Variants in MIB2 observed in about 807,000 individuals in gnomAD.
MIB2 encodes the protein E3 ubiquitin-protein ligase MIB2.
MIB2 carries 78 observed loss-of-function variants against 96.6 expected under a neutral mutation model. The observed-to-expected ratio is 0.81, with a 90% CI of 0.67 to 0.97. MIB2 has a LOEUF of 0.97. MIB2 is among the 50% of genes least tolerant of loss of function. The probability of loss-of-function intolerance (pLI) is 0.00; values close to 1 mark genes in which losing one functional copy is unlikely to be tolerated. For missense variants in MIB2, 1,543 were observed against 1,424.0 expected (o/e 1.08, Z -1.35); for synonymous variants, 820 against 629.5 (o/e 1.30, Z -4.53).
rs774656885 is a variant in MIB2 at position 1,627,409 on chromosome 1, C to CGAGTTG, written c.1491_1492insTTGGAG (p.Glu497_Gly498insLeuGlu). ...GGGCGGGCGTGGACCTGCCGGACGA[C>CGAGTTG]GAGGGCAACACGGCACTGCACTACG... On this transcript the variant is annotated inframe_insertion, in exon 12 of 20. Transcript: ENST00000355826. 6.2e-7 allele frequency: 1 copy of CGAGTTG among 1,612,714 alleles called. No homozygotes were observed. The highest frequency in any genetic ancestry group is 2.2e-5 in the East Asian group (1 of 44,870).
Position 1,625,903 on chromosome 1 carries a change from T to C in MIB2, c.972+250T>C. 1.8e-6 allele frequency: 1 copy of C among 552,894 alleles called. No individual in the cohort carries two copies. The highest frequency in any genetic ancestry group is 2.2e-5 in the South Asian group (1 of 44,852). The allele number at this position is 552,894 out of a possible 1,614,324, so 34.2% of individuals were successfully genotyped here. On this transcript the variant is annotated intron_variant, in intron 8 of 19. Transcript: ENST00000355826. This position sits in a 1 kb window ranked among gnomAD's most constrained non-coding sequence, Gnocchi z 5.0. ...ATGGGCAGGTTAGGGCCTCCCTCTG[T>C]TCCAGGACACCAGGAAGGCAGGACA...
At position 1,626,370 on chromosome 1, in the gene MIB2, C is replaced by G. The variant is rs1002496230; in HGVS notation, c.973-280C>G. On this transcript the variant is annotated intron_variant, in intron 8 of 19. Transcript: ENST00000355826. The surrounding 1 kb of genome is among the most constrained non-coding windows in gnomAD (Gnocchi z 5.3). ...CCTGCTGCTGGTCAGCGTACAGCTTCCCAGGGCCAGCCACCTCGGCTTCAC... is the reference window on the plus strand; with the variant it reads ...CCTGCTGCTGGTCAGCGTACAGCTTGCCAGGGCCAGCCACCTCGGCTTCAC... 1 of 490,528 alleles carries G rather than the reference C, an allele frequency of 2.0e-6. No homozygotes were observed. Among genetic ancestry groups the G allele is most frequent in the African/African-American group, 2.0e-5 (1 of 50,950 alleles). 30.4% of individuals were successfully genotyped at this position (490,528 alleles called of 1,614,324 possible). A position where few individuals can be genotyped will look rare whatever the true frequency, so the allele number is the denominator to read the frequency against.
rs762118123 is a variant in MIB2, at chr1:1,630,455, C to T, written c.2793C>T (p.Ala931=). Residue 931 remains alanine (A), a synonymous_variant, in exon 20 of 20, where the codon GCC becomes GCT. Transcript: ENST00000355826. ...TCCAGTGCGGCCACGGCGCATGCGC[C>T]CCCTGCGGCTCCGCGCTCAGCGCCT... The part of the protein sequence containing the change: ...LVFQCGHGAC[A]PCGSALSACP... The T allele has an allele frequency of 9.4e-6, 15 of 1,593,598 alleles. No individual in the cohort carries two copies. The East Asian group carries it at 1.6e-4, about 17-fold the overall frequency.
intron 2 of MIB2, among the ~76,000 whole-genome samples, chr1:1,622,222 A>G (rs556861666): frequency 1.9e-4 from 29 of 152,282 alleles, no homozygotes; most frequent in Non-Finnish European, 3.7e-4. Context: ...TTCCCTGGCC[A>G]TGGGGTCCTA....
intron 19 of MIB2, 131 bp from the exon 20 acceptor site, chr1:1,630,161 C>T (rs901410502): frequency 2.9e-5 from 10 of 344,378 alleles, no homozygotes; most frequent in African/African-American, 2.4e-4. Context: ...TCACCCACCC[C>T]GCCAGCCCCC....
At chr1:1,616,130 G>T (rs1179338027) in intron 1 of MIB2, 5 of 980,062 alleles carry the variant, frequency 5.1e-6, no homozygotes, top group Non-Finnish European at 6.1e-6. Context: ...AGGTCTGGCA[G>T]CGGACAGGGC....
chr1:1,615,835 G>C, intron 1 of MIB2: 1 of 1,253,066 alleles, frequency 8.0e-7, no homozygotes, highest in African/African-American at 1.6e-5. Flanking sequence ...GTTGTGGTCC[G>C]GCCACCCGCG....
In MIB2 at chr1:1,626,535, G is replaced by A. The variant is rs926666078; in HGVS notation, c.973-115G>A. ...AGTGCCTGGGGTCGGGGTCGGGGCC[G>A]GGGCCGAGTCAGGCCTGCCTGTCTC... is the stretch of plus-strand genomic sequence containing the variant. On this transcript the variant is annotated intron_variant, in intron 8 of 19. Transcript: ENST00000355826. This position sits in a 1 kb window ranked among gnomAD's most constrained non-coding sequence, Gnocchi z 5.3. 15 of 909,310 alleles carry A rather than the reference G, an allele frequency of 1.6e-5. No homozygotes were observed. The highest frequency in any genetic ancestry group is 1.3e-4 in the African/African-American group (8 of 59,400). 56.3% of individuals were successfully genotyped at this position (909,310 alleles called of 1,614,324 possible).
intron 4 of MIB2, 67 bp from the exon 5 acceptor site, chr1:1,624,728 A>T (rs1277630977): frequency 1.4e-6 from 2 of 1,447,218 alleles, no homozygotes; most frequent in East Asian, 4.8e-5. Context: ...TCGCTCTCCC[A>T]AGTGGCTCAA....
intron 2 of MIB2, among the ~76,000 whole-genome samples, chr1:1,621,683 C>G (rs1644270886): frequency 6.6e-6 from 1 of 152,232 alleles, no homozygotes. Context: ...TGTGGAAGCT[C>G]TCGCGGTCCT....
chr1:1,628,425 A>G (rs1023018846), intron 15 of MIB2, 26 bp downstream of exon 15: 7 of 1,606,162 alleles, frequency 4.4e-6, no homozygotes, highest in Non-Finnish European at 5.9e-6. Flanking sequence ...AGTCCTGCCC[A>G]AGGACCGGGG....
chr1:1,615,829 T>G, intron 1 of MIB2, 196 bp downstream of exon 1: 1 of 1,268,106 alleles, frequency 7.9e-7, no homozygotes, highest in Non-Finnish European at 9.9e-7. Flanking sequence ...CTGGGAGTTG[T>G]GGTCCGGCCA....
At position 1,627,763 on chromosome 1, in the gene MIB2, C is replaced by G; in HGVS notation, c.1614C>G (p.Ala538=). 1.3e-6 allele frequency: 2 copies of G among 1,597,382 alleles called. No homozygotes were observed. The highest frequency in any genetic ancestry group is 1.7e-6 in the Non-Finnish European group (2 of 1,179,098). The change falls in exon 13 of 20, where the codon GCC becomes GCG. Residue 538 remains alanine (A), a synonymous_variant. Transcript: ENST00000355826. ...NSTQSTALHV[A]VQRGFLEVVR... is the part of the protein sequence containing the mutation. ...CCCAGAGCACAGCACTGCACGTGGCCGTGCAGAGGGGCTTCCTGGAGGTGG... is the reference window on the plus strand; with the variant it reads ...CCCAGAGCACAGCACTGCACGTGGCGGTGCAGAGGGGCTTCCTGGAGGTGG...
At chr1:1,624,201 T>C in intron 4 of MIB2, 1 of 535,088 alleles carries the variant, frequency 1.9e-6, no homozygotes, top group Middle Eastern at 5.0e-4. Context: ...GGACAGCCCA[T>C]ACCCGGAGCC....
At chr1:1,615,404 C>A, upstream of MIB2, 2 of 1,456,138 alleles carry the variant, frequency 1.4e-6, no homozygotes, top group Non-Finnish European at 9.0e-7. Flanking sequence ...GCAGACGCTC[C>A]CGCGTGACGC....
chr1:1,626,395 C>T lies in MIB2; in HGVS notation c.973-255C>T, dbSNP rs1644766068. The T allele has an allele frequency of 1.9e-6, 1 of 517,700 alleles. No homozygotes were observed. The highest frequency in any genetic ancestry group is 3.4e-6 in the Non-Finnish European group (1 of 295,058). 32.1% of individuals were successfully genotyped at this position (517,700 alleles called of 1,614,324 possible). A position where few individuals can be genotyped will look rare whatever the true frequency, so the allele number is the denominator to read the frequency against. On this transcript the variant is annotated intron_variant, in intron 8 of 19. Coordinates refer to ENST00000355826, the MANE Select transcript of MIB2 (RefSeq NM_001170687.4). This position sits in a 1 kb window ranked among gnomAD's most constrained non-coding sequence, Gnocchi z 5.3. ...CCCAGGGCCAGCCACCTCGGCTTCA[C>T]ACCTGCCCAGAGCTGGCTTCTGTCT... is the stretch of plus-strand genomic sequence containing the variant.
At chr1:1,616,049 C>T in intron 1 of MIB2, 1 of 984,288 alleles carries the variant, frequency 1.0e-6, no homozygotes, top group Non-Finnish European at 1.2e-6. Context: ...GGTCCCGCGC[C>T]CCCGAGCGGA....
chr1:1,627,123 A>G lies in MIB2; in HGVS notation c.1290A>G (p.Pro430=). 5 of 1,599,556 alleles carry G rather than the reference A, an allele frequency of 3.1e-6. No homozygotes were observed. The highest frequency in any genetic ancestry group is 4.3e-6 in the Non-Finnish European group (5 of 1,173,506). Residue 430 remains proline, a synonymous_variant, in exon 11 of 20, where the codon CCA becomes CCG. Coordinates refer to ENST00000355826, the MANE Select transcript of MIB2 (RefSeq NM_001170687.4). The part of the protein sequence containing the change: ...LDKLRAQKSD[P]EHPGRLVVEV... ...AGCTTCGGGCCCAGAAGAGTGACCC[A>G]GAGCACCCGGGAAGGCTGGTGGTGG...
At position 1,627,739 on chromosome 1, in the gene MIB2, C is replaced by T. The variant is rs773341403; in HGVS notation, c.1590C>T (p.Thr530=). 1.9e-6 allele frequency: 3 copies of T among 1,596,246 alleles called. No homozygotes were observed. Among genetic ancestry groups the T allele is most frequent in the Non-Finnish European group, 2.5e-6 (3 of 1,178,946 alleles). Reference sequence around the variant, plus strand: ...GCCGGGCGGACGCCATCAACAGCACCCAGAGCACAGCACTGCACGTGGCCG... The same window carrying T: ...GCCGGGCGGACGCCATCAACAGCACTCAGAGCACAGCACTGCACGTGGCCG... ...AGCRADAINS[T]QSTALHVAVQ... Residue 530 remains threonine, a synonymous_variant, in exon 13 of 20, where the codon ACC becomes ACT. Coordinates refer to ENST00000355826, the MANE Select transcript of MIB2 (RefSeq NM_001170687.4).
Sources: gnomAD v4.1 joint callset for allele counts (sites outside exome capture counted in the v4.1 genomes callset) on GRCh38, gnomAD v4.1.1 for gene constraint, Gnocchi (gnomAD v3.1) non-coding constraint, MANE v1.5 for transcripts, NCBI Gene and HGNC (gene_info 2026-07-23, HGNC 2026-07-21) for gene names.